Variants in SLK observed in about 807,000 individuals in gnomAD.
SLK encodes STE20-like serine/threonine-protein kinase.
Under a neutral mutation model 147.7 loss-of-function variants are expected in SLK, and 67 were observed. The ratio of observed to expected loss-of-function variants is 0.45; its 90% CI spans 0.37 to 0.56. SLK has a LOEUF of 0.56. Ranked by LOEUF, SLK falls within the 20% of genes least tolerant of loss-of-function variation. The probability of loss-of-function intolerance (pLI) is 0.00; values close to 1 mark genes in which losing one functional copy is unlikely to be tolerated. For missense variants in SLK, 1,136 were observed against 1,438.8 expected, an observed-to-expected ratio of 0.79 and a Z score of 3.41; for synonymous variants, 441 against 475.0, an observed-to-expected ratio of 0.93 and a Z score of 0.93.
At chr10:103,998,816 A>G (rs954236449) in intron 4 of SLK, 83 bp from the exon 5 acceptor site, 15 of 872,556 alleles carry the variant, frequency 1.7e-5, no homozygotes, top group Non-Finnish European at 2.0e-5. Flanking sequence ...CTTATTAAAG[A>G]CTTAAAATGC....
chr10:104,004,237 A>G (rs1340077880), intron 9 of SLK, among the ~76,000 whole-genome samples: 1 of 152,198 alleles, frequency 6.6e-6, no homozygotes, highest in African/African-American at 2.4e-5. Flanking sequence ...ATGGATCTCT[A>G]GGGCATGAGT....
chr10:104,002,699 A>G lies in SLK; in HGVS notation c.1521A>G (p.Gly507=). The part of the protein sequence containing the change: ...QTVDLVSQET[G]EKEANIQAVD... Reference sequence around the variant, plus strand: ...TAGATTTAGTTTCTCAAGAGACTGGAGAAAAAGAGGCAAATATTCAGGCAG... The same window carrying G: ...TAGATTTAGTTTCTCAAGAGACTGGGGAAAAAGAGGCAAATATTCAGGCAG... Residue 507 remains glycine, a synonymous_variant, in exon 9 of 19, where the codon GGA becomes GGG. Transcript: ENST00000369755. The G allele has an allele frequency of 6.2e-7, 1 of 1,612,120 alleles. No individual in the cohort carries two copies. The highest frequency in any genetic ancestry group is 8.5e-7 in the Non-Finnish European group (1 of 1,179,440).
intron 1 of SLK, among the ~76,000 whole-genome samples, chr10:103,980,230 ATTAT>A (rs1487506068): frequency 2.8e-5 from 4 of 144,920 alleles, no homozygotes; most frequent in African/African-American, 4.9e-5. Context: ...AAAACAAATG[ATTAT>A]TTATTAATGC....
chr10:104,024,117 G>A lies in SLK; in HGVS notation c.3562-1457G>A, dbSNP rs573915157. ...TAACTGACATCTACGCTAGAAACCA[G>A]AATTATTTTTCATTTCTGTCACACC... is the stretch of plus-strand genomic sequence containing the variant. On this transcript the variant is annotated intron_variant, in intron 18 of 18. Transcript: ENST00000369755. Among the ~76,000 whole-genome samples, 5 of 152,306 alleles carry A rather than the reference G, an allele frequency of 3.3e-5. No individual in the cohort carries two copies. In the South Asian group the frequency reaches 1.0e-3, roughly 32 times the overall value.
intron 8 of SLK, 135 bp from the exon 9 acceptor site, chr10:104,002,037 G>T (rs1001915571): frequency 8.3e-6 from 6 of 718,630 alleles, no homozygotes; most frequent in Non-Finnish European, 1.3e-5. Context: ...TATTTCTTGT[G>T]AGAAGAATTG....
intron 1 of SLK, among the ~76,000 whole-genome samples, chr10:103,968,567 G>T (rs1843749678): frequency 6.6e-6 from 1 of 152,128 alleles, no homozygotes; most frequent in African/African-American, 2.4e-5. Context: ...AAAGAGGCTT[G>T]GCGTTTCAAC....
At chr10:103,994,313 C>G (rs909578763) in intron 4 of SLK, among the ~76,000 whole-genome samples, 1 of 152,184 alleles carries the variant, frequency 6.6e-6, no homozygotes, top group Non-Finnish European at 1.5e-5. Context: ...AGAAGCTCTT[C>G]CGTATGCCCA....
At chr10:103,978,871 A>C (rs1843904112) in intron 1 of SLK, among the ~76,000 whole-genome samples, 1 of 152,198 alleles carries the variant, frequency 6.6e-6, no homozygotes, top group African/African-American at 2.4e-5. Context: ...AAGGGAAGGT[A>C]TTTGAATCAT....
intron 9 of SLK, among the ~76,000 whole-genome samples, chr10:104,004,920 G>T (rs1844303786): frequency 6.6e-6 from 1 of 152,102 alleles, no homozygotes; most frequent in Non-Finnish European, 1.5e-5. Flanking sequence ...GTACTTTTGG[G>T]TGCAGCAGAG....
At chr10:103,997,749 T>C (rs1316013541) in intron 4 of SLK, among the ~76,000 whole-genome samples, 2 of 152,128 alleles carry the variant, frequency 1.3e-5, no homozygotes, top group Admixed American at 1.3e-4. Flanking sequence ...TCAGAATTTT[T>C]CTAATTCTGA....
At chr10:103,989,843 C>G (rs554511504) in intron 1 of SLK, among the ~76,000 whole-genome samples, 2 of 152,240 alleles carry the variant, frequency 1.3e-5, no homozygotes, top group East Asian at 3.9e-4. Flanking sequence ...TTGTTTATTA[C>G]CCAAATGAGT....
intron 18 of SLK, 104 bp downstream of exon 18, chr10:104,021,837 A>G (rs1844539037): frequency 1.5e-6 from 1 of 656,000 alleles, no homozygotes; most frequent in African/African-American, 1.9e-5. Context: ...GGGGCAGGAA[A>G]CATAGAGATG....
chr10:104,018,463 G>C (rs562757972), intron 14 of SLK, among the ~76,000 whole-genome samples, 174 bp downstream of exon 14: 1 of 152,108 alleles, frequency 6.6e-6, no homozygotes. Flanking sequence ...CCTAATGGTC[G>C]TGTGTTAGAA....
intron 1 of SLK, among the ~76,000 whole-genome samples, chr10:103,977,783 T>G (rs558788735): frequency 2.0e-5 from 3 of 152,224 alleles, no homozygotes; most frequent in Non-Finnish European, 4.4e-5. Context: ...AAGAAAGCTA[T>G]TAATTACTAT....
intron 4 of SLK, among the ~76,000 whole-genome samples, chr10:103,996,395 C>CTT (rs1844173360): frequency 2.7e-5 from 3 of 110,822 alleles, no homozygotes; most frequent in Admixed American, 8.7e-5. Context: ...TATTTTTTTT[C>CTT]TTTTCTTTTT....
chr10:103,991,929 C>G (rs892818986), intron 2 of SLK, among the ~76,000 whole-genome samples: 4 of 151,566 alleles, frequency 2.6e-5, no homozygotes, highest in Non-Finnish European at 5.9e-5. Flanking sequence ...GACTATTGCA[C>G]AATAAAAATT....
intron 10 of SLK, 42 bp downstream of exon 10, chr10:104,005,733 C>T: frequency 2.5e-6 from 4 of 1,582,018 alleles, no homozygotes; most frequent in African/African-American, 1.4e-5. Flanking sequence ...TTTGTGACTT[C>T]TTTTCAGTCT....
In SLK at chr10:103,989,275, G is replaced by A. The variant is rs374212471; in HGVS notation, c.151-1400G>A. ...CAAATAAGTATATGAAAAGATGCTC[G>A]ACATCATATGTCATCAGGGAATTGT... is the stretch of plus-strand genomic sequence containing the variant. On this transcript the variant is annotated intron_variant, in intron 1 of 18. Transcript: ENST00000369755. Among the ~76,000 whole-genome samples the A allele has an allele frequency of 1.4e-3, 207 of 152,148 alleles. 3 individuals are homozygous for A. The South Asian group carries it at 0.033, about 24-fold the overall frequency.
Position 104,005,608 on chromosome 10 carries a change from T to C in SLK, c.2397T>C (p.Ile799=). The change falls in exon 10 of 19, where the codon ATT becomes ATC. Residue 799 remains isoleucine, a synonymous_variant. Transcript: ENST00000369755. Reference sequence around the variant, plus strand: ...CATTGAAGAAAACACGCAAATTTATTGTTGATGGTGTAGAAGTGAGTGTAA... The same window carrying C: ...CATTGAAGAAAACACGCAAATTTATCGTTGATGGTGTAGAAGTGAGTGTAA... ...KKTLKKTRKF[I]VDGVEVSVTT... 1 of 1,606,162 alleles carries C rather than the reference T, an allele frequency of 6.2e-7. No individual in the cohort carries two copies. Among genetic ancestry groups the C allele is most frequent in the East Asian group, 2.2e-5 (1 of 44,722 alleles).
Sources: allele counts gnomAD v4.1 joint callset (sites outside exome capture counted in the v4.1 genomes callset), GRCh38; gene constraint gnomAD v4.1.1; transcripts MANE v1.5; gene names NCBI Gene and HGNC (gene_info 2026-07-23, HGNC 2026-07-21).